Variants in RGS6 observed in about 807,000 individuals in gnomAD.
RGS6 encodes the protein regulator of G-protein signaling 6.
In RGS6, 30 loss-of-function variants were observed where a neutral mutation model predicts 78.5. The ratio of observed to expected loss-of-function variants is 0.38; its 90% CI spans 0.29 to 0.52. The LOEUF is 0.52. Ranked by LOEUF, RGS6 falls within the 20% of genes least tolerant of loss-of-function variation. The probability of loss-of-function intolerance (pLI) is 0.85; values close to 1 mark genes in which losing one functional copy is unlikely to be tolerated. For missense variants in RGS6, 495 were observed against 609.7 expected (o/e 0.81, Z 1.98); for synonymous variants, 206 against 206.0 (o/e 1.00, Z 0.00).
At chr14:72,015,578 T>G (rs2086775753) in intron 2 of RGS6, among the ~76,000 whole-genome samples, 1 of 152,222 alleles carries the variant, frequency 6.6e-6, no homozygotes, top group African/African-American at 2.4e-5. Flanking sequence ...CATATCTATC[T>G]AGAAATATGT....
chr14:72,616,758 T>C, the RGS6 span, among the ~76,000 whole-genome samples: 1 of 152,216 alleles, frequency 6.6e-6, no homozygotes, highest in Non-Finnish European at 1.5e-5. Context: ...CCTATGATTC[T>C]ATCTCATTCT....
At chr14:72,580,317 C>CG in the RGS6 span, among the ~76,000 whole-genome samples, 3 of 148,704 alleles carry the variant, frequency 2.0e-5, no homozygotes, top group Non-Finnish European at 3.0e-5. Context: ...TCCCCCCCAC[C>CG]CCGACCCCAG....
intron 2 of RGS6, among the ~76,000 whole-genome samples, chr14:72,087,529 T>C (rs2095096437): frequency 6.6e-6 from 1 of 152,060 alleles, no homozygotes; most frequent in Non-Finnish European, 1.5e-5. Flanking sequence ...CATGGGTCAG[T>C]CTTACTAATG....
the RGS6 span, among the ~76,000 whole-genome samples, chr14:71,906,960 A>G: frequency 7.9e-5 from 12 of 152,320 alleles, no homozygotes; most frequent in African/African-American, 2.9e-4. Context: ...AGGTAGAGAA[A>G]ATGCTGTACT....
At chr14:72,125,635 TG>T (rs1026277031) in intron 2 of RGS6, among the ~76,000 whole-genome samples, 2 of 151,924 alleles carry the variant, frequency 1.3e-5, no homozygotes, top group Non-Finnish European at 2.9e-5. Context: ...TGTGGTCTAT[TG>T]TGGGGGGAAA....
At chr14:72,322,119 A>G (rs1414449749) in intron 2 of RGS6, among the ~76,000 whole-genome samples, 1 of 152,068 alleles carries the variant, frequency 6.6e-6, no homozygotes, top group Non-Finnish European at 1.5e-5. Context: ...TAATGAACAA[A>G]AAATAAAGGA....
the RGS6 span, among the ~76,000 whole-genome samples, chr14:72,608,247 T>C: frequency 6.6e-6 from 1 of 152,238 alleles, no homozygotes; most frequent in East Asian, 1.9e-4. Flanking sequence ...TAGAGGCCTT[T>C]ATTTATCTAT....
chr14:71,949,456 T>C (rs1375854309), intron 1 of RGS6, among the ~76,000 whole-genome samples: 1 of 152,216 alleles, frequency 6.6e-6, no homozygotes, highest in Non-Finnish European at 1.5e-5. Context: ...TTGCCACTTT[T>C]ATTTGTCTTT....
At chr14:72,333,041 A>G (rs141214843) in intron 2 of RGS6, among the ~76,000 whole-genome samples, 1 of 152,136 alleles carries the variant, frequency 6.6e-6, no homozygotes, top group Non-Finnish European at 1.5e-5. Context: ...TGGAGAACAC[A>G]GCAGTGGGCA....
chr14:71,889,143 T>A, the RGS6 span, among the ~76,000 whole-genome samples: 2 of 152,020 alleles, frequency 1.3e-5, no homozygotes, highest in East Asian at 3.9e-4. Flanking sequence ...AGGATCTCTG[T>A]GGTCCAGGGG....
At chr14:72,387,974 C>T (rs1316254060) in intron 3 of RGS6, among the ~76,000 whole-genome samples, 1 of 152,090 alleles carries the variant, frequency 6.6e-6, no homozygotes, top group Admixed American at 6.6e-5. Flanking sequence ...GTGGGGACAC[C>T]AGTCATACTG....
At chr14:72,397,876 C>A (rs1045320687) in intron 3 of RGS6, among the ~76,000 whole-genome samples, 5 of 152,040 alleles carry the variant, frequency 3.3e-5, no homozygotes, top group African/African-American at 1.2e-4. Flanking sequence ...TATGTTGAAC[C>A]AGCCTTGCAT....
At chr14:71,988,073 G>A (rs143597499) in intron 2 of RGS6, among the ~76,000 whole-genome samples, 2 of 152,102 alleles carry the variant, frequency 1.3e-5, no homozygotes, top group Non-Finnish European at 2.9e-5. Flanking sequence ...CTGACAAAAG[G>A]CACACAAGTG....
the RGS6 span, among the ~76,000 whole-genome samples, chr14:71,883,772 G>A: frequency 1.3e-5 from 2 of 152,178 alleles, no homozygotes; most frequent in Non-Finnish European, 2.9e-5. Context: ...TAATGTATTA[G>A]CATGCTAAAA....
At chr14:72,496,227 C>T (rs559602716) in intron 13 of RGS6, among the ~76,000 whole-genome samples, 2 of 69,920 alleles carry the variant, frequency 2.9e-5, no homozygotes, top group Admixed American at 3.2e-4. Context: ...TGCTGTGGTT[C>T]CCAGAGTGGA....
At chr14:72,560,107 A>ATT (rs11446983) in intron 17 of RGS6, among the ~76,000 whole-genome samples, 2,058 of 150,408 alleles carry the variant, frequency 0.014, 38 homozygotes, top group African/African-American at 0.046. Flanking sequence ...AGCTTGAGTG[A>ATT]TTTTTTTTTT....
At chr14:72,296,579 A>AT (rs1179445117) in intron 2 of RGS6, among the ~76,000 whole-genome samples, 7 of 152,048 alleles carry the variant, frequency 4.6e-5, no homozygotes, top group African/African-American at 1.4e-4. Flanking sequence ...AATAATGTTG[A>AT]TTGCCTTTTC....
At chr14:72,391,308 C>T (rs547433886) in intron 3 of RGS6, among the ~76,000 whole-genome samples, 5 of 152,202 alleles carry the variant, frequency 3.3e-5, no homozygotes, top group East Asian at 1.9e-4. Flanking sequence ...TTAAGAATTT[C>T]GGCTGTCACG....
chr14:72,107,384 T>C (rs1597677339), intron 2 of RGS6, among the ~76,000 whole-genome samples: 2 of 152,202 alleles, frequency 1.3e-5, no homozygotes, highest in East Asian at 3.9e-4. Context: ...CCTTTTGGTA[T>C]AACTCTAGCA....
Sources: gnomAD v4.1 joint callset for allele counts (sites outside exome capture counted in the v4.1 genomes callset) on GRCh38, gnomAD v4.1.1 for gene constraint, MANE v1.5 for transcripts, NCBI Gene and HGNC (gene_info 2026-07-23, HGNC 2026-07-21) for gene names.